The following CACNB2 variants were observed in gnomAD, a reference collection of about 807,000 sequenced individuals.
CACNB2 encodes calcium voltage-gated channel auxiliary subunit beta 2.
In CACNB2, 42 loss-of-function variants were observed where a neutral mutation model predicts 73.3. The ratio of observed to expected loss-of-function variants is 0.57; its 90% CI spans 0.45 to 0.74. CACNB2 has a LOEUF of 0.74. Among genes scored for constraint, CACNB2 ranks in the 30% least tolerant of loss-of-function variants. The probability of loss-of-function intolerance (pLI) is 0.00; values close to 1 mark genes in which losing one functional copy is unlikely to be tolerated. For missense variants in CACNB2, 940 were observed against 853.0 expected (o/e 1.10, Z -1.27); for synonymous variants, 348 against 310.3 (o/e 1.12, Z -1.28).
chr10:18,491,746 G>A (rs1444694979), intron 3 of CACNB2, among the ~76,000 whole-genome samples: 2 of 134,458 alleles, frequency 1.5e-5, no homozygotes, highest in African/African-American at 5.5e-5. Context: ...GGATATATTT[G>A]ATTAACAAAT....
rs1171528382 is a variant in CACNB2, at chr10:18,152,738, AAC to A, written c.213+1765_213+1766del. 4.5e-3 allele frequency among the ~76,000 whole-genome samples: 463 copies of A among 102,364 alleles called. 17 individuals are homozygous for A. The highest frequency in any genetic ancestry group is 5.9e-3 in the African/African-American group (116 of 19,716). 67.2% of individuals were successfully genotyped at this position (102,364 alleles called of 152,430 possible). A position where few individuals can be genotyped will look rare whatever the true frequency, so the allele number is the denominator to read the frequency against. On this transcript the variant is annotated intron_variant, in intron 2 of 13. Coordinates refer to ENST00000324631, the MANE Select transcript of CACNB2 (RefSeq NM_201596.3). ...AAAAAAAAAAAAAAAAAAAACAAAA[AAC>A]AAAACACTAGCTCCTTAGTGTGCAT...
intron 3 of CACNB2, among the ~76,000 whole-genome samples, chr10:18,442,832 AAAAG>A (rs199615041): frequency 0.021 from 3,135 of 147,306 alleles, 43 homozygotes; most frequent in Non-Finnish European, 0.023. Flanking sequence ...TTAAAAAAAA[AAAAG>A]AAAGAAAGAA....
intron 3 of CACNB2, among the ~76,000 whole-genome samples, chr10:18,423,461 C>T (rs940498711): frequency 1.3e-5 from 2 of 152,178 alleles, no homozygotes; most frequent in Non-Finnish European, 2.9e-5. Context: ...CTAGCAGTTG[C>T]CAGGGCTTTC....
chr10:18,459,029 T>C (rs1336128627), intron 3 of CACNB2, among the ~76,000 whole-genome samples: 4 of 152,152 alleles, frequency 2.6e-5, no homozygotes, highest in African/African-American at 7.2e-5. Context: ...CCTCCCAAAG[T>C]GCTGGGATTA....
intron 2 of CACNB2, among the ~76,000 whole-genome samples, chr10:18,334,086 T>G (rs933446981): frequency 6.6e-6 from 1 of 152,206 alleles, no homozygotes; most frequent in Non-Finnish European, 1.5e-5. Flanking sequence ...AAAGAACCCT[T>G]CTCTTTTCAG....
At position 18,253,355 on chromosome 10, in the gene CACNB2, TATATGCAGTTC is replaced by T. The variant is rs1325143945; in HGVS notation, c.213+102383_213+102393del. 2.0e-5 allele frequency among the ~76,000 whole-genome samples: 3 copies of T among 152,184 alleles called. No homozygotes were observed. In the East Asian group the frequency reaches 5.8e-4, roughly 29 times the overall value. On this transcript the variant is annotated intron_variant, in intron 2 of 13. Coordinates refer to ENST00000324631, the MANE Select transcript of CACNB2 (RefSeq NM_201596.3). The stretch of plus-strand genomic sequence containing the variant: ...TGACAAGTATGAATTTTAATAAAAA[TATATGCAGTTC>T]ATTAGATACATCATAGAATTCTAAA...
chr10:18,175,861 G>A (rs1037804416), intron 2 of CACNB2, among the ~76,000 whole-genome samples: 41 of 152,198 alleles, frequency 2.7e-4, no homozygotes, highest in African/African-American at 8.7e-4. Context: ...GCCTCCCAAA[G>A]TGCTGGGATT....
At chr10:18,433,398 T>C (rs1010875164) in intron 3 of CACNB2, among the ~76,000 whole-genome samples, 3 of 152,292 alleles carry the variant, frequency 2.0e-5, no homozygotes, top group Middle Eastern at 3.4e-3. Context: ...GGAGACCAGG[T>C]GATGGATTAA....
chr10:18,176,694 C>T (rs2033610384), intron 2 of CACNB2, among the ~76,000 whole-genome samples: 1 of 150,714 alleles, frequency 6.6e-6, no homozygotes, highest in Non-Finnish European at 1.5e-5. Context: ...TTAGCATTTA[C>T]AGGGTGCAAG....
chr10:18,352,015 C>T (rs930238073), intron 2 of CACNB2, among the ~76,000 whole-genome samples: 2 of 152,162 alleles, frequency 1.3e-5, no homozygotes, highest in East Asian at 3.8e-4. Context: ...GGATGTTTGA[C>T]CTGTTTGCAG....
rs571692493 is a variant in CACNB2, at chr10:18,432,602, G to A, written c.333+30559G>A. Among the ~76,000 whole-genome samples the A allele has an allele frequency of 3.5e-4, 53 of 152,282 alleles. 1 individual carries two copies. The highest frequency in any genetic ancestry group is 1.2e-3 in the African/African-American group (49 of 41,554). On this transcript the variant is annotated intron_variant, in intron 3 of 13. Transcript: ENST00000324631. ...ATTCCCAGCACTTTGGGAGGCCAGA[G>A]GCAAGCAGATTGCTTGAGCTCAGGA...
chr10:18,316,323 G>T (rs1163834759), intron 2 of CACNB2, among the ~76,000 whole-genome samples: 4 of 152,010 alleles, frequency 2.6e-5, no homozygotes. Flanking sequence ...CAATAATGTT[G>T]GGTAGCTGCC....
At chr10:18,512,989 G>C (rs1320076932) in intron 6 of CACNB2, 1 of 204,844 alleles carries the variant, frequency 4.9e-6, no homozygotes, top group African/African-American at 2.3e-5. Context: ...TGCAGTTTTC[G>C]CTGCATCTCA....
At chr10:18,155,258 C>A (rs941444148) in intron 2 of CACNB2, among the ~76,000 whole-genome samples, 3 of 152,202 alleles carry the variant, frequency 2.0e-5, no homozygotes, top group African/African-American at 7.2e-5. Flanking sequence ...CAATACCATA[C>A]ATTTGTTTTA....
chr10:18,504,019 T>G (rs537096035), intron 5 of CACNB2, among the ~76,000 whole-genome samples: 1 of 152,346 alleles, frequency 6.6e-6, no homozygotes, highest in African/African-American at 2.4e-5. Flanking sequence ...GAGGCAGGCT[T>G]GTGTGTCTTT....
intron 3 of CACNB2, among the ~76,000 whole-genome samples, chr10:18,429,985 C>A (rs1273754666): frequency 6.6e-6 from 1 of 151,804 alleles, no homozygotes; most frequent in African/African-American, 2.4e-5. Flanking sequence ...TCTCAAAAAA[C>A]AAAACAAAAA....
intron 2 of CACNB2, among the ~76,000 whole-genome samples, chr10:18,174,324 CT>C (rs1320072248): frequency 6.8e-5 from 10 of 146,884 alleles, no homozygotes; most frequent in East Asian, 2.0e-4. Context: ...TCCCTCCCCC[CT>C]CTTTTCTTTT....
chr10:18,370,991 A>G (rs1375227305), intron 2 of CACNB2, among the ~76,000 whole-genome samples: 2 of 152,200 alleles, frequency 1.3e-5, no homozygotes, highest in Non-Finnish European at 2.9e-5. Flanking sequence ...ATTCCAGAAA[A>G]AGATAATTAC....
At chr10:18,382,801 TG>T (rs2043072514) in intron 2 of CACNB2, among the ~76,000 whole-genome samples, 2 of 152,212 alleles carry the variant, frequency 1.3e-5, no homozygotes, top group Admixed American at 6.5e-5. Flanking sequence ...GATGGACATT[TG>T]GGTTGATTCC....
Sources: allele counts gnomAD v4.1 joint callset (sites outside exome capture counted in the v4.1 genomes callset), GRCh38; gene constraint gnomAD v4.1.1; transcripts MANE v1.5; gene names NCBI Gene and HGNC (gene_info 2026-07-23, HGNC 2026-07-21).